COL7A1: variants seen among roughly 807,000 people sequenced by gnomAD.
COL7A1 encodes the protein collagen alpha-1(VII) chain.
In COL7A1, 296 loss-of-function variants were observed where a neutral mutation model predicts 456.2. The observed-to-expected ratio is 0.65, with a 90% confidence interval of 0.59 to 0.71. The LOEUF (loss-of-function observed/expected upper bound fraction) is 0.71, where lower values mean the gene tolerates loss of function less well. Among genes scored for constraint, COL7A1 ranks in the 30% least tolerant of loss-of-function variants. The pLI, the probability that COL7A1 is intolerant of heterozygous loss-of-function variation, is 0.00. For synonymous variants in COL7A1, 1,464 were observed against 1,525.9 expected (o/e 0.96, Z 0.95); for missense variants, 3,441 against 4,017.2 (o/e 0.86, Z 3.88).
rs1318003405 is a variant in COL7A1 at position 48,568,670 on chromosome 3, G to A, written c.7758+114C>T. On this transcript the variant is annotated intron_variant, in intron 104 of 118. Coordinates refer to ENST00000681320, the MANE Select transcript of COL7A1 (RefSeq NM_000094.4). The surrounding 1 kb of genome is among the most constrained non-coding windows in gnomAD (Gnocchi z 5.2). ...ACAGATCCCGGGTGAACACACATGG[G>A]GCCGGCAGCAAGGGAGCCAGAACCC... The A allele has an allele frequency of 8.8e-6, 13 of 1,475,242 alleles. No homozygotes were observed. The highest frequency in any genetic ancestry group is 2.0e-5 in the Admixed American group (1 of 50,610). 91.4% of individuals were successfully genotyped at this position (1,475,242 alleles called of 1,614,324 possible).
Position 48,567,528 on chromosome 3 carries a change from C to A in COL7A1, c.8046+46G>T, listed in dbSNP as rs759324245. The A allele has an allele frequency of 1.2e-6, 2 of 1,612,674 alleles. No individual in the cohort carries two copies. Among genetic ancestry groups the A allele is most frequent in the South Asian group, 2.2e-5 (2 of 91,058 alleles). On this transcript the variant is annotated intron_variant, in intron 109 of 118. Coordinates refer to ENST00000681320, the MANE Select transcript of COL7A1 (RefSeq NM_000094.4). The surrounding 1 kb of genome is among the most constrained non-coding windows in gnomAD (Gnocchi z 4.3). ...CATGACCCGACCATGAGCTTCCCTG[C>A]CCCATCCTGACTCCCTGTCATGTCC...
In COL7A1 at chr3:48,567,978, C is replaced by T; in HGVS notation, c.7876-87G>A. 6.2e-7 allele frequency: 1 copy of T among 1,601,368 alleles called. No homozygotes were observed. On this transcript the variant is annotated intron_variant, in intron 106 of 118. Coordinates refer to ENST00000681320, the MANE Select transcript of COL7A1 (RefSeq NM_000094.4). The surrounding 1 kb of genome is among the most constrained non-coding windows in gnomAD (Gnocchi z 4.3). ...CCCTGAAACTAACTCTCCAAACAGG[C>T]CTCAGCTACTCCAACCTCTGACCCA...
rs2045969113 is a variant in COL7A1, at chr3:48,594,901, G to A, written c.85+174C>T. Among the ~76,000 whole-genome samples the A allele has an allele frequency of 6.6e-6, 1 of 152,212 alleles. No individual in the cohort carries two copies. On this transcript the variant is annotated intron_variant, in intron 2 of 118. Coordinates refer to ENST00000681320, the MANE Select transcript of COL7A1 (RefSeq NM_000094.4). This position sits in a 1 kb window ranked among gnomAD's most constrained non-coding sequence, Gnocchi z 5.5. ...TAGGAACAGGATAGGAGGCGGTTTA[G>A]GGAACCCAGCACCGATCGCGGAGGG...
rs748538144 is a variant in COL7A1 at position 48,579,449 on chromosome 3, CTTG to C, written c.5271+28_5271+30del. The C allele has an allele frequency of 1.2e-4, 188 of 1,614,028 alleles. No individual in the cohort carries two copies. Among genetic ancestry groups the C allele is most frequent in the Middle Eastern group, 3.3e-4 (2 of 6,084 alleles). ...ATAAGAGGTGAGGGTAAGATGGGGA[CTTG>C]GCAGACGGGGCAAAGTGCATCACTC... is the stretch of plus-strand genomic sequence containing the variant. On this transcript the variant is annotated intron_variant, in intron 60 of 118. Transcript: ENST00000681320. The surrounding 1 kb of genome is among the most constrained non-coding windows in gnomAD (Gnocchi z 4.4).
Position 48,585,934 on chromosome 3 carries a change from T to C in COL7A1, c.3759+6A>G. ...CTCTGTTCACCTCTCGATGAGGGAC[T>C]CTTACCTTTGGACAATACACTGGGC... On this transcript the variant is annotated splice_donor_region_variant and intron_variant, in intron 29 of 118. Transcript: ENST00000681320. The surrounding 1 kb of genome is among the most constrained non-coding windows in gnomAD (Gnocchi z 4.5). 6.2e-7 allele frequency: 1 copy of C among 1,614,122 alleles called. No homozygotes were observed. Among genetic ancestry groups the C allele is most frequent in the Non-Finnish European group, 8.5e-7 (1 of 1,180,028 alleles).
At position 48,588,393 on chromosome 3, in the gene COL7A1, G is replaced by A; in HGVS notation, c.2599C>T (p.Pro867Ser). The A allele has an allele frequency of 6.2e-7, 1 of 1,610,568 alleles. No homozygotes were observed. Residue 867 changes from proline (P) to serine (S), a missense_variant, in exon 21 of 119, where the codon CCG (proline) becomes TCG (serine). Physicochemically the swap from Pro to Ser is moderately conservative, Grantham distance 74. Around this residue, in one of 3 missense-constraint regions of COL7A1, gnomAD observed 444 missense variants for 427.6 expected, o/e 1.04. Transcript: ENST00000681320. This position sits in a 1 kb window ranked among gnomAD's most constrained non-coding sequence, Gnocchi z 4.6. The part of the protein sequence containing the change: ...SIVVTTPPEA[P>S]PALGTLHVVQ... ...ACGTGAAGCGTCCCCAGGGCTGGCG[G>A]AGCCTCAGGCGCTGGAGAGAAAGCT...
chr3:48,583,366 C>A lies in COL7A1; in HGVS notation c.4437+27G>T. On this transcript the variant is annotated intron_variant, in intron 42 of 118. Transcript: ENST00000681320. The surrounding 1 kb of genome is among the most constrained non-coding windows in gnomAD (Gnocchi z 5.1). ...GGGGAGCCCAGAGTAGCACCCCTCA[C>A]ACCTGAATCCCCCAACTGGTACTCA... 1 of 1,614,050 alleles carries A rather than the reference C, an allele frequency of 6.2e-7. No individual in the cohort carries two copies. The highest frequency in any genetic ancestry group is 8.5e-7 in the Non-Finnish European group (1 of 1,179,914).
rs1382543378 is a variant in COL7A1, at chr3:48,595,177, G to A, written c.-1-17C>T. 11 of 1,547,166 alleles carry A rather than the reference G, an allele frequency of 7.1e-6. No homozygotes were observed. The African/African-American group carries it at 1.4e-4, about 19-fold the overall frequency. On this transcript the variant is annotated splice_polypyrimidine_tract_variant and intron_variant, in intron 1 of 118. Coordinates refer to ENST00000681320, the MANE Select transcript of COL7A1 (RefSeq NM_000094.4). ...AGCGTCATCCTAGGCAGTAAAAGCC[G>A]TCAGCTAGGACCCCCGCCTCTGTCC...
chr3:48,574,700 C>T lies in COL7A1; in HGVS notation c.6370G>A (p.Asp2124Asn). 1 of 1,613,960 alleles carries T rather than the reference C, an allele frequency of 6.2e-7. No individual in the cohort carries two copies. The highest frequency in any genetic ancestry group is 2.2e-5 in the East Asian group (1 of 44,884). The change falls in exon 78 of 119, where the codon GAC (aspartate) becomes AAC (asparagine). Residue 2124 changes from aspartate to asparagine, a missense_variant. Asp to Asn is a conservative substitution (Grantham distance 23). This residue lies in a region of COL7A1 where 2,084 missense variants were observed against 2,501.3 expected (regional missense o/e 0.83). Transcript: ENST00000681320. This position sits in a 1 kb window ranked among gnomAD's most constrained non-coding sequence, Gnocchi z 5.0. ...GAKGEPGSNGDQGPKGDRGVP... is the reference protein window; with the variant it reads ...GAKGEPGSNGNQGPKGDRGVP... ...ACCCTGTCTCCTTTGGGACCTTGGT[C>T]ACCATTGCTGCCCGGCTCCCCCTGT...
rs773489571 is a variant in COL7A1 at position 48,575,846 on chromosome 3, C to T, written c.5856+21G>A. The T allele has an allele frequency of 6.2e-7, 1 of 1,614,116 alleles. No individual in the cohort carries two copies. Among genetic ancestry groups the T allele is most frequent in the Non-Finnish European group, 8.5e-7 (1 of 1,180,012 alleles). ...CCAAGGGCCCCCACTTGTCCCTACC[C>T]CCAGCCCCTAAACAACCCACCTTGA... On this transcript the variant is annotated intron_variant, in intron 72 of 118. Coordinates refer to ENST00000681320, the MANE Select transcript of COL7A1 (RefSeq NM_000094.4). This position sits in a 1 kb window ranked among gnomAD's most constrained non-coding sequence, Gnocchi z 6.3.
Position 48,587,319 on chromosome 3 carries a change from G to A in COL7A1, c.3010C>T (p.Gln1004Ter), listed in dbSNP as rs2045344236. Residue 1004 changes from glutamine to a stop codon, truncating the protein, a stop_gained, in exon 24 of 119, where the codon CAG (glutamine) becomes TAG (stop). Coordinates refer to ENST00000681320, the MANE Select transcript of COL7A1 (RefSeq NM_000094.4). LOFTEE classifies it high-confidence loss of function. This position sits in a 1 kb window ranked among gnomAD's most constrained non-coding sequence, Gnocchi z 6.1. ...GPGQEVPGSP[Q>*]TLPGISSSQR... is the part of the protein sequence containing the mutation. ...GAGCTTGAGATCCCTGGAAGTGTCTGCGGGGACCCAGGCACTTCTGCAGGA... is the reference window on the plus strand; with the variant it reads ...GAGCTTGAGATCCCTGGAAGTGTCTACGGGGACCCAGGCACTTCTGCAGGA... 6.2e-7 allele frequency: 1 copy of A among 1,601,414 alleles called. No individual in the cohort carries two copies. Among genetic ancestry groups the A allele is most frequent in the Admixed American group, 1.7e-5 (1 of 58,276 alleles).
In COL7A1 at chr3:48,572,767, G is replaced by T; in HGVS notation, c.6832-28C>A. The T allele has an allele frequency of 6.2e-7, 1 of 1,611,134 alleles. No individual in the cohort carries two copies. The highest frequency in any genetic ancestry group is 8.5e-7 in the Non-Finnish European group (1 of 1,178,630). The stretch of plus-strand genomic sequence containing the variant: ...ATGGCAGAGCAGCGTGAGGAACTCA[G>T]TGCCTCTCCACCACCACCCCTGCTG... On this transcript the variant is annotated intron_variant, in intron 87 of 118. Transcript: ENST00000681320. The surrounding 1 kb of genome is among the most constrained non-coding windows in gnomAD (Gnocchi z 4.6).
Position 48,594,584 on chromosome 3 carries a change from G to A in COL7A1, c.86-36C>T, listed in dbSNP as rs1197992452. ...CAGGAGAGATCAGGGCCTCTTCTGG[G>A]AGGCCAACCACCCGCCTACCCGCAC... On this transcript the variant is annotated intron_variant, in intron 2 of 118. Coordinates refer to ENST00000681320, the MANE Select transcript of COL7A1 (RefSeq NM_000094.4). The surrounding 1 kb of genome is among the most constrained non-coding windows in gnomAD (Gnocchi z 5.5). 2.6e-6 allele frequency: 4 copies of A among 1,547,020 alleles called. No individual in the cohort carries two copies. The highest frequency in any genetic ancestry group is 3.9e-5 in the Admixed American group (2 of 51,606).
At position 48,568,737 on chromosome 3, in the gene COL7A1, G is replaced by A; in HGVS notation, c.7758+47C>T. ...CCCCCAGGATATGTGTGTGTGTGATGCTGGCTCTGGACCTGGGCCTGGGCC... is the reference window on the plus strand; with the variant it reads ...CCCCCAGGATATGTGTGTGTGTGATACTGGCTCTGGACCTGGGCCTGGGCC... On this transcript the variant is annotated intron_variant, in intron 104 of 118. Transcript: ENST00000681320. This position sits in a 1 kb window ranked among gnomAD's most constrained non-coding sequence, Gnocchi z 5.2. 1 of 1,540,114 alleles carries A rather than the reference G, an allele frequency of 6.5e-7. No individual in the cohort carries two copies. Among genetic ancestry groups the A allele is most frequent in the Non-Finnish European group, 8.8e-7 (1 of 1,136,720 alleles).
chr3:48,578,508 G>A lies in COL7A1; in HGVS notation c.5432C>T (p.Pro1811Leu). 2 of 1,611,846 alleles carry A rather than the reference G, an allele frequency of 1.2e-6. No individual in the cohort carries two copies. Among genetic ancestry groups the A allele is most frequent in the Non-Finnish European group, 1.7e-6 (2 of 1,179,900 alleles). Residue 1811 changes from proline to leucine, a missense_variant, in exon 64 of 119, where the codon CCA becomes CTA. By Grantham distance (98) the Pro-to-Leu change is moderately conservative (BLOSUM62 -3). Around this residue, in one of 3 missense-constraint regions of COL7A1, gnomAD observed 2,084 missense variants for 2,501.3 expected, o/e 0.83. Coordinates refer to ENST00000681320, the MANE Select transcript of COL7A1 (RefSeq NM_000094.4). This position sits in a 1 kb window ranked among gnomAD's most constrained non-coding sequence, Gnocchi z 4.7. Reference sequence around the variant, plus strand: ...GAGGCCCTGTTCTCCACGGAGGCCTGGAAGCCCCTGGAAAAAGTCTTTGTT... The same window carrying A: ...GAGGCCCTGTTCTCCACGGAGGCCTAGAAGCCCCTGGAAAAAGTCTTTGTT... The part of the protein sequence containing the change: ...KAGDPGRDGL[P>L]GLRGEQGLPG...
In COL7A1 at chr3:48,590,349, C is replaced by G; in HGVS notation, c.1914G>C (p.Glu638Asp). The change falls in exon 16 of 119, where the codon GAG becomes GAC. Residue 638 changes from glutamate (E) to aspartate (D), a missense_variant. Glu to Asp is a conservative substitution (Grantham distance 45, BLOSUM62 2). This residue lies in a region of COL7A1 where 913 missense variants were observed against 1,088.2 expected (regional missense o/e 0.84). Coordinates refer to ENST00000681320, the MANE Select transcript of COL7A1 (RefSeq NM_000094.4). This position sits in a 1 kb window ranked among gnomAD's most constrained non-coding sequence, Gnocchi z 4.6. ...AGTCTGGGGGCAGTGTCTGGCTGGA[C>G]TCCGGACCTGAGGTCAGAGGGAAAT... is the stretch of plus-strand genomic sequence containing the variant. ...RISWSTGSGP[E>D]SSQTLPPDST... 6.2e-7 allele frequency: 1 copy of G among 1,614,086 alleles called. No homozygotes were observed. Among genetic ancestry groups the G allele is most frequent in the Non-Finnish European group, 8.5e-7 (1 of 1,180,002 alleles).
rs886041187 is a variant in COL7A1 at position 48,587,109 on chromosome 3, C to T, written c.3140-1G>A. On this transcript the variant is annotated splice_acceptor_variant, in intron 24 of 118. Transcript: ENST00000681320. LOFTEE classifies it high-confidence loss of function. This position sits in a 1 kb window ranked among gnomAD's most constrained non-coding sequence, Gnocchi z 6.1. ...ACATCCGCCAGGCCACGGGGGCACA[C>T]TGTAGGAAGGGGAACAAGTTACTGA... The T allele has an allele frequency of 1.9e-6, 3 of 1,613,158 alleles. No homozygotes were observed. The highest frequency in any genetic ancestry group is 3.3e-5 in the Admixed American group (2 of 59,900).
At position 48,583,756 on chromosome 3, in the gene COL7A1, G is replaced by T. The variant is rs1021165801; in HGVS notation, c.4303C>A (p.Gln1435Lys). The T allele has an allele frequency of 6.2e-7, 1 of 1,613,888 alleles. No homozygotes were observed. The highest frequency in any genetic ancestry group is 8.5e-7 in the Non-Finnish European group (1 of 1,179,982). ...LPGLPGSPGP[Q>K]GPVGPPGKKG... ...TTTCCAGGGGGGCCAACGGGGCCTT[G>T]GGGTCCAGGGCTTCCGGGAAGACCC... Residue 1435 changes from glutamine (Q) to lysine (K), a missense_variant, in exon 40 of 119, where the codon CAA (glutamine) becomes AAA (lysine). Physicochemically the swap from Gln to Lys is moderately conservative, Grantham distance 53. This residue lies in a region of COL7A1 where 2,084 missense variants were observed against 2,501.3 expected (regional missense o/e 0.83). Transcript: ENST00000681320. The surrounding 1 kb of genome is among the most constrained non-coding windows in gnomAD (Gnocchi z 5.1).
Position 48,584,742 on chromosome 3 carries a change from C to A in COL7A1, c.4039G>T (p.Gly1347Trp), listed in dbSNP as rs121912833. Residue 1347 changes from glycine to tryptophan, a missense_variant, in exon 35 of 119, where the codon GGG (glycine) becomes TGG (tryptophan). By Grantham distance (184) the Gly-to-Trp change is radical (BLOSUM62 -2). Coordinates refer to ENST00000681320, the MANE Select transcript of COL7A1 (RefSeq NM_000094.4). ...PGERGPRGPK[G>W]EPGAPGQVIG... ...CTTCCCCCTTCACCTACCGGCTCCC[C>A]CTTTGGGCCTCGAGGTCCTCGCTCT... The A allele has an allele frequency of 6.8e-6, 11 of 1,613,896 alleles. 1 individual carries two copies. In the South Asian group the frequency reaches 8.8e-5, roughly 13 times the overall value.
Sources: allele counts gnomAD v4.1 joint callset (sites outside exome capture counted in the v4.1 genomes callset), GRCh38; gene constraint gnomAD v4.1.1; regional missense constraint gnomAD v4.1.1; non-coding constraint Gnocchi (gnomAD v3.1); transcripts MANE v1.5; gene names NCBI Gene and HGNC (gene_info 2026-07-23, HGNC 2026-07-21).